ABCC9: variants seen among roughly 807,000 people sequenced by gnomAD.
ABCC9 encodes the protein ATP-binding cassette sub-family C member 9.
A neutral mutation model predicts 188.3 loss-of-function variants in ABCC9; 95 were observed. The observed-to-expected ratio is 0.50, with a 90% CI of 0.43 to 0.60. ABCC9 has a LOEUF of 0.60. Ranked by LOEUF, ABCC9 falls within the 20% of genes least tolerant of loss-of-function variation. ABCC9 has a pLI of 0.00. For missense variants in ABCC9, 1,102 were observed against 1,876.3 expected, an observed-to-expected ratio of 0.59 and a Z score of 7.62; for synonymous variants, 659 against 652.7, an observed-to-expected ratio of 1.01 and a Z score of -0.15.
Position 21,851,285 on chromosome 12 carries a change from A to G in ABCC9, c.2769+812T>C, listed in dbSNP as rs143781256. ...ATCAGAGTTTTTCCTCTTTTGTTGTACTCAATCTGGTATCCAACTCTGTGA... is the reference window on the plus strand; with the variant it reads ...ATCAGAGTTTTTCCTCTTTTGTTGTGCTCAATCTGGTATCCAACTCTGTGA... On this transcript the variant is annotated intron_variant, in intron 24 of 39. Coordinates refer to ENST00000261200, the MANE Select transcript of ABCC9 (RefSeq NM_020297.4). Among the ~76,000 whole-genome samples the G allele has an allele frequency of 2.3e-3, 347 of 152,212 alleles. 4 individuals are homozygous for G. Among genetic ancestry groups the G allele is most frequent in the African/African-American group, 7.4e-3 (307 of 41,562 alleles).
chr12:21,870,670 G>A (rs1313597071), intron 18 of ABCC9, among the ~76,000 whole-genome samples: 1 of 152,000 alleles, frequency 6.6e-6, no homozygotes, highest in Non-Finnish European at 1.5e-5. Context: ...TCAGAAATTT[G>A]TGGCCCATAT....
At chr12:21,881,683 G>A (rs957364420) in intron 16 of ABCC9, among the ~76,000 whole-genome samples, 4 of 147,308 alleles carry the variant, frequency 2.7e-5, no homozygotes, top group African/African-American at 1.0e-4. Context: ...CACACTGCCT[G>A]AACATTATAA....
intron 4 of ABCC9, among the ~76,000 whole-genome samples, chr12:21,928,180 G>A (rs551823348): frequency 3.1e-4 from 47 of 150,198 alleles, no homozygotes; most frequent in Admixed American, 1.3e-3. Context: ...AGATCACGCG[G>A]CTGCACTCCA....
Position 21,922,739 on chromosome 12 carries a change from CT to C in ABCC9, c.406+3202del, listed in dbSNP as rs774569928. On this transcript the variant is annotated intron_variant, in intron 5 of 39. Coordinates refer to ENST00000261200, the MANE Select transcript of ABCC9 (RefSeq NM_020297.4). ...CAATCCCCATAATGGTCCTACCAAG[CT>C]TTTTTTTTTTCTTTTTTTTTTTTTT... Among the ~76,000 whole-genome samples the C allele has an allele frequency of 6.6e-3, 835 of 125,806 alleles. 7 individuals carry two copies. Among genetic ancestry groups the C allele is most frequent in the African/African-American group, 0.022 (710 of 31,726 alleles). The allele number at this position is 125,806 out of a possible 152,430, so 82.5% of individuals were successfully genotyped here.
chr12:21,936,668 G>A lies in ABCC9; in HGVS notation c.7C>T (p.Leu3Phe). 6.2e-7 allele frequency: 1 copy of A among 1,608,990 alleles called. No individual in the cohort carries two copies. Among genetic ancestry groups the A allele is most frequent in the Non-Finnish European group, 8.5e-7 (1 of 1,175,690 alleles). The stretch of plus-strand genomic sequence containing the variant: ...GAAATGTTGTTACCACAAAATGAAA[G>A]GCTCATTTCTTCTTATATGGTTTAC... MS[L>F]SFCGNNISSY... The change falls in exon 3 of 40, where the codon CTT becomes TTT. Residue 3 changes from leucine to phenylalanine, a missense_variant. By Grantham distance (22) the Leu-to-Phe change is conservative. Around this residue, in one of 12 missense-constraint regions of ABCC9, gnomAD observed 305 missense variants for 573.0 expected, o/e 0.53. Transcript: ENST00000261200.
intron 18 of ABCC9, among the ~76,000 whole-genome samples, 198 bp from the exon 19 acceptor site, chr12:21,864,675 G>A (rs2137531193): frequency 6.6e-6 from 1 of 152,172 alleles, no homozygotes; most frequent in East Asian, 1.9e-4. Flanking sequence ...GGAAATAATT[G>A]CTTAGTAAGC....
chr12:21,871,489 C>T (rs1387834832), intron 18 of ABCC9, among the ~76,000 whole-genome samples: 1 of 152,126 alleles, frequency 6.6e-6, no homozygotes, highest in Non-Finnish European at 1.5e-5. Flanking sequence ...AATTTCACAA[C>T]CAAGAATTTT....
At chr12:21,863,823 A>G (rs1945647046) in intron 19 of ABCC9, among the ~76,000 whole-genome samples, 1 of 152,152 alleles carries the variant, frequency 6.6e-6, no homozygotes, top group Non-Finnish European at 1.5e-5. Context: ...GATGAAGGAA[A>G]TAGGGTTAAA....
At chr12:21,885,890 A>G (rs1485318832) in intron 15 of ABCC9, among the ~76,000 whole-genome samples, 2 of 152,202 alleles carry the variant, frequency 1.3e-5, no homozygotes, top group African/African-American at 2.4e-5. Flanking sequence ...ATTTAAAAAT[A>G]TATAATATAG....
intron 8 of ABCC9, among the ~76,000 whole-genome samples, chr12:21,912,304 A>C (rs370017408): frequency 1.3e-5 from 2 of 152,076 alleles, no homozygotes; most frequent in East Asian, 3.8e-4. Flanking sequence ...TAAAAGTAGA[A>C]AATAAAAATT....
intron 36 of ABCC9, among the ~76,000 whole-genome samples, chr12:21,810,818 A>C (rs1591946555): frequency 6.6e-6 from 1 of 152,300 alleles, no homozygotes; most frequent in East Asian, 1.9e-4. Flanking sequence ...ACACATCCAG[A>C]AGTTTTAAAG....
intron 39 of ABCC9, among the ~76,000 whole-genome samples, chr12:21,804,960 G>A (rs1360106062): frequency 6.6e-6 from 1 of 152,166 alleles, no homozygotes; most frequent in Non-Finnish European, 1.5e-5. Flanking sequence ...ACTCTCTTTT[G>A]CATGTATATA....
intron 29 of ABCC9, 138 bp from the exon 30 acceptor site, chr12:21,838,308 C>T (rs1411437122): frequency 2.4e-5 from 17 of 701,460 alleles, no homozygotes; most frequent in Admixed American, 1.2e-4. Context: ...ACTCAATTAA[C>T]AAAAACTTCA....
chr12:21,839,532 T>C (rs897916917), intron 29 of ABCC9, among the ~76,000 whole-genome samples: 1 of 152,226 alleles, frequency 6.6e-6, no homozygotes, highest in Non-Finnish European at 1.5e-5. Context: ...TCTGACCATT[T>C]TGATAAAGAT....
intron 30 of ABCC9, among the ~76,000 whole-genome samples, chr12:21,829,403 G>T (rs1283813): frequency 3.3e-5 from 5 of 151,878 alleles, no homozygotes; most frequent in South Asian, 2.1e-4. Context: ...AGGTTTCACC[G>T]TGTTAGCCAG....
chr12:21,902,689 TAGA>T (rs1736163200), intron 12 of ABCC9, among the ~76,000 whole-genome samples: 1 of 152,088 alleles, frequency 6.6e-6, no homozygotes, highest in African/African-American at 2.4e-5. Flanking sequence ...ACAGAAAATC[TAGA>T]AGAAATGGAT....
chr12:21,869,009 GA>G (rs963698057), intron 18 of ABCC9, among the ~76,000 whole-genome samples: 9 of 151,960 alleles, frequency 5.9e-5, no homozygotes, highest in South Asian at 2.1e-4. Flanking sequence ...AGGATATTAT[GA>G]AAAAAATAAG....
intron 16 of ABCC9, among the ~76,000 whole-genome samples, chr12:21,880,290 T>A (rs1455166082): frequency 6.6e-6 from 1 of 152,132 alleles, no homozygotes; most frequent in Admixed American, 6.5e-5. Context: ...GCTTCAAAGC[T>A]TTTAGGAGCT....
chr12:21,849,544 T>C (rs377532328), intron 24 of ABCC9, among the ~76,000 whole-genome samples: 2 of 152,324 alleles, frequency 1.3e-5, no homozygotes, highest in South Asian at 4.1e-4. Context: ...GTAGATTTGA[T>C]TCCAGTTCGA....
Sources: allele counts gnomAD v4.1 joint callset (sites outside exome capture counted in the v4.1 genomes callset), GRCh38; gene constraint gnomAD v4.1.1; regional missense constraint gnomAD v4.1.1; transcripts MANE v1.5; gene names NCBI Gene and HGNC (gene_info 2026-07-23, HGNC 2026-07-21).